DISC1: variants seen among roughly 807,000 people sequenced by gnomAD.
DISC1 encodes DISC1 scaffold protein.
A neutral mutation model predicts 84.5 loss-of-function variants in DISC1; 57 were observed. That is an observed-to-expected ratio of 0.67 (90% CI 0.55 to 0.84). The LOEUF (loss-of-function observed/expected upper bound fraction) is 0.84, where lower values mean the gene tolerates loss of function less well. Ranked by LOEUF, DISC1 falls within the 40% of genes least tolerant of loss-of-function variation. DISC1 has a pLI of 0.00. For missense variants in DISC1, 1,000 were observed against 1,057.8 expected (o/e 0.95, Z 0.76); for synonymous variants, 411 against 415.2 (o/e 0.99, Z 0.12).
At chr1:231,880,882 A>C (rs1162355174) in intron 9 of DISC1, among the ~76,000 whole-genome samples, 1 of 152,216 alleles carries the variant, frequency 6.6e-6, no homozygotes, top group Non-Finnish European at 1.5e-5. Context: ...AATATCTCAT[A>C]GGAAAAACTT....
chr1:231,968,350 C>T lies in DISC1; in HGVS notation c.2042+9462C>T, dbSNP rs115264767. ...GCCAACCCCGAATTGGAACTGGCCT[C>T]TTCACATCTGGACCACAACATGGGA... On this transcript the variant is annotated intron_variant, in intron 10 of 12. Coordinates refer to ENST00000439617, the MANE Select transcript of DISC1 (RefSeq NM_018662.3). Among the ~76,000 whole-genome samples, 452 of 152,152 alleles carry T rather than the reference C, an allele frequency of 3.0e-3. 1 individual carries two copies. The highest frequency in any genetic ancestry group is 4.8e-3 in the Non-Finnish European group (326 of 68,002).
chr1:231,926,941 A>G (rs1465255677), intron 9 of DISC1, among the ~76,000 whole-genome samples: 1 of 152,216 alleles, frequency 6.6e-6, no homozygotes, highest in Non-Finnish European at 1.5e-5. Context: ...TATTTTTCTC[A>G]GAAGGCTATT....
Position 231,768,578 on chromosome 1 carries a change from C to T in DISC1, c.1398+1309C>T, listed in dbSNP as rs183511383. ...CAGAGTGTACAGAAAATAATTTTAG[C>T]CCTGGGCACTTAGTGTTTGAAGCAC... On this transcript the variant is annotated intron_variant, in intron 5 of 12. Coordinates refer to ENST00000439617, the MANE Select transcript of DISC1 (RefSeq NM_018662.3). 3.2e-3 allele frequency among the ~76,000 whole-genome samples: 491 copies of T among 152,214 alleles called. 2 individuals carry two copies. The highest frequency in any genetic ancestry group is 4.8e-3 in the Non-Finnish European group (328 of 68,018).
chr1:231,644,271 C>T (rs1016339307), intron 1 of DISC1, among the ~76,000 whole-genome samples: 8 of 152,184 alleles, frequency 5.3e-5, no homozygotes, highest in African/African-American at 1.9e-4. Context: ...CACCACTGCC[C>T]TGTACATATC....
At chr1:231,847,351 C>T (rs767479118) in intron 9 of DISC1, among the ~76,000 whole-genome samples, 13 of 152,174 alleles carry the variant, frequency 8.5e-5, no homozygotes, top group Admixed American at 5.9e-4. Context: ...CAAAAAGTCA[C>T]ATTCTGAAGT....
At chr1:231,871,365 G>C (rs1285848763) in intron 9 of DISC1, among the ~76,000 whole-genome samples, 1 of 152,176 alleles carries the variant, frequency 6.6e-6, no homozygotes, top group African/African-American at 2.4e-5. Context: ...GAAGGATAGG[G>C]AGGTGGTTTG....
intron 4 of DISC1, among the ~76,000 whole-genome samples, chr1:231,756,516 C>A (rs1320532886): frequency 9.7e-5 from 13 of 133,432 alleles, no homozygotes; most frequent in African/African-American, 1.8e-4. Flanking sequence ...ATGTGAATAT[C>A]GAGAGAGAGA....
intron 10 of DISC1, among the ~76,000 whole-genome samples, chr1:232,004,987 T>A (rs554960997): frequency 1.7e-4 from 19 of 110,574 alleles, no homozygotes; most frequent in South Asian, 1.4e-3. Context: ...CTTCCATCCT[T>A]CTTCTCTTCT....
intron 11 of DISC1, among the ~76,000 whole-genome samples, chr1:232,022,914 C>T (rs1026992322): frequency 2.0e-5 from 3 of 152,146 alleles, no homozygotes; most frequent in Admixed American, 2.0e-4. Flanking sequence ...TAACTTGTGC[C>T]TTGGAAAAAC....
At chr1:231,894,009 A>C (rs1392055293) in intron 9 of DISC1, among the ~76,000 whole-genome samples, 1 of 152,198 alleles carries the variant, frequency 6.6e-6, no homozygotes, top group Non-Finnish European at 1.5e-5. Flanking sequence ...CAGCATGTGT[A>C]TACTAGTTTG....
intron 2 of DISC1, among the ~76,000 whole-genome samples, chr1:231,701,362 G>A (rs2066396665): frequency 6.6e-6 from 1 of 152,202 alleles, no homozygotes; most frequent in South Asian, 2.1e-4. Context: ...TATCAATGAT[G>A]CTAAATCAAC....
intron 9 of DISC1, among the ~76,000 whole-genome samples, chr1:231,822,911 A>T (rs2738883): frequency 0.24 from 36,446 of 152,084 alleles, 4,616 homozygotes; most frequent in East Asian, 0.41. Flanking sequence ...CCAGAAACTA[A>T]TAGAGTGAGA....
At chr1:231,649,037 G>A (rs1181151825) in intron 1 of DISC1, among the ~76,000 whole-genome samples, 5 of 152,000 alleles carry the variant, frequency 3.3e-5, no homozygotes, top group Admixed American at 6.6e-5. Flanking sequence ...TTTTTGAAGG[G>A]TTTTTTGTCT....
At chr1:231,676,164 C>T (rs2063133672) in intron 1 of DISC1, among the ~76,000 whole-genome samples, 1 of 152,220 alleles carries the variant, frequency 6.6e-6, no homozygotes, top group Non-Finnish European at 1.5e-5. Context: ...GTATATTATA[C>T]TCCTTTCTCT....
At chr1:231,722,270 T>G (rs999105410) in intron 3 of DISC1, among the ~76,000 whole-genome samples, 1 of 152,086 alleles carries the variant, frequency 6.6e-6, no homozygotes, top group African/African-American at 2.4e-5. Flanking sequence ...TTCTTTTTCA[T>G]GTTTGATAGA....
At chr1:231,946,182 T>G (rs1466716269) in intron 9 of DISC1, among the ~76,000 whole-genome samples, 1 of 152,074 alleles carries the variant, frequency 6.6e-6, no homozygotes, top group Admixed American at 6.5e-5. Context: ...AGGCCAATAT[T>G]TCTGATGAAC....
intron 9 of DISC1, among the ~76,000 whole-genome samples, chr1:231,943,511 A>G (rs2091459414): frequency 6.6e-6 from 1 of 152,128 alleles, no homozygotes; most frequent in Non-Finnish European, 1.5e-5. Flanking sequence ...GTGAGACCCT[A>G]GTACAGGAGG....
At chr1:231,632,616 C>T (rs1471208437) in intron 1 of DISC1, among the ~76,000 whole-genome samples, 1 of 152,206 alleles carries the variant, frequency 6.6e-6, no homozygotes, top group Non-Finnish European at 1.5e-5. Flanking sequence ...TGAGAAACAG[C>T]AGCAGAGTGA....
intron 3 of DISC1, among the ~76,000 whole-genome samples, chr1:231,734,321 T>C (rs1332699402): frequency 6.6e-6 from 1 of 152,202 alleles, no homozygotes; most frequent in African/African-American, 2.4e-5. Context: ...AAGAACACTT[T>C]ATTGTGAATC....
Sources: allele counts gnomAD v4.1 joint callset (sites outside exome capture counted in the v4.1 genomes callset), GRCh38; gene constraint gnomAD v4.1.1; transcripts MANE v1.5; gene names NCBI Gene and HGNC (gene_info 2026-07-23, HGNC 2026-07-21).